The following GPM6A variants were observed in gnomAD, a reference collection of about 807,000 sequenced individuals.
GPM6A encodes glycoprotein M6A.
A neutral mutation model predicts 32.1 loss-of-function variants in GPM6A; 7 were observed. The ratio of observed to expected loss-of-function variants is 0.22; its 90% CI spans 0.12 to 0.41. The LOEUF (loss-of-function observed/expected upper bound fraction) is 0.41. Among genes scored for constraint, GPM6A ranks in the 10% least tolerant of loss-of-function variants. GPM6A has a pLI of 1.00. For missense variants in GPM6A, 235 were observed against 347.2 expected, an observed-to-expected ratio of 0.68 and a Z score of 2.57; for synonymous variants, 130 against 123.4, an observed-to-expected ratio of 1.05 and a Z score of -0.35.
intron 2 of GPM6A, among the ~76,000 whole-genome samples, chr4:175,681,538 A>T (rs780643165): frequency 1.2e-4 from 18 of 152,158 alleles, no homozygotes; most frequent in South Asian, 2.1e-4. Context: ...CCTAAACTTC[A>T]TGTTGATTGT....
chr4:175,947,481 GAAT>G (rs1242010595), intron 1 of GPM6A, among the ~76,000 whole-genome samples: 3 of 151,740 alleles, frequency 2.0e-5, no homozygotes, highest in African/African-American at 7.3e-5. Context: ...ATATTCTTAA[GAAT>G]AATATTTCTT....
intron 1 of GPM6A, among the ~76,000 whole-genome samples, chr4:175,749,010 C>T (rs997076476): frequency 6.6e-6 from 1 of 152,070 alleles, no homozygotes; most frequent in African/African-American, 2.4e-5. Context: ...TCTTTAACTT[C>T]CCCCCACCTC....
chr4:176,000,026 C>T (rs184873041), intron 1 of GPM6A, among the ~76,000 whole-genome samples: 103 of 152,314 alleles, frequency 6.8e-4, no homozygotes, highest in African/African-American at 2.4e-3. Flanking sequence ...CTTATTGGCT[C>T]TTCCTAGTCT....
At chr4:175,713,902 C>T (rs1015920332) in intron 1 of GPM6A, among the ~76,000 whole-genome samples, 17 of 152,210 alleles carry the variant, frequency 1.1e-4, no homozygotes, top group Non-Finnish European at 1.8e-4. Flanking sequence ...CTTATCTTTT[C>T]TCTCCAATTT....
At chr4:175,895,769 A>G (rs948761434) in intron 1 of GPM6A, among the ~76,000 whole-genome samples, 1 of 152,194 alleles carries the variant, frequency 6.6e-6, no homozygotes, top group African/African-American at 2.4e-5. Flanking sequence ...ATTCTGTATT[A>G]AGTATACTGT....
chr4:175,651,157 C>T (rs1041994801), intron 4 of GPM6A, among the ~76,000 whole-genome samples: 1 of 152,108 alleles, frequency 6.6e-6, no homozygotes, highest in African/African-American at 2.4e-5. Context: ...TGAACAACCC[C>T]ACTGTGCCTC....
chr4:175,640,787 G>A lies in GPM6A; in HGVS notation c.584C>T (p.Ser195Phe). 6.2e-7 allele frequency: 1 copy of A among 1,610,658 alleles called. No individual in the cohort carries two copies. Among genetic ancestry groups the A allele is most frequent in the Non-Finnish European group, 8.5e-7 (1 of 1,177,342 alleles). The change falls in exon 5 of 7, where the codon TCT (serine) becomes TTT (phenylalanine). Residue 195 changes from serine (S) to phenylalanine (F), a missense_variant. By Grantham distance (155) the Ser-to-Phe change is radical. Transcript: ENST00000393658. ...TTCGCACATCCTCAAGAAATTCTCA[G>A]AGACAGTACAAATTTTCTTTTCCTC... is the stretch of plus-strand genomic sequence containing the variant. ...IGEEKKICTV[S>F]ENFLRMCEST...
intron 1 of GPM6A, among the ~76,000 whole-genome samples, chr4:175,731,982 T>TTC (rs1731454161): frequency 6.6e-6 from 1 of 151,038 alleles, no homozygotes; most frequent in Non-Finnish European, 1.5e-5. Flanking sequence ...TTTTTTTTTT[T>TTC]TCGTGACAGA....
At chr4:175,949,291 A>G (rs1265439672) in intron 1 of GPM6A, among the ~76,000 whole-genome samples, 1 of 152,002 alleles carries the variant, frequency 6.6e-6, no homozygotes, top group Admixed American at 6.6e-5. Context: ...ACTAAAAGTC[A>G]AGTTTGTTTA....
chr4:175,909,901 A>G (rs1417377092), intron 1 of GPM6A, among the ~76,000 whole-genome samples: 1 of 152,170 alleles, frequency 6.6e-6, no homozygotes, highest in Non-Finnish European at 1.5e-5. Flanking sequence ...GAAACCAAGT[A>G]CTACCCTTGT....
rs944013655 is a variant in GPM6A at position 175,634,674 on chromosome 4, C to CA, written c.*230dup. ...ACTAGTAAATGAGTTTGAGAAATTT[C>CA]AAAAAAAAGGCTGGATAGGAGCTTG... On this transcript the variant is annotated 3_prime_UTR_variant, in exon 7 of 7. Coordinates refer to ENST00000393658, the MANE Select transcript of GPM6A (RefSeq NM_201591.3). 70 of 424,614 alleles carry CA rather than the reference C, an allele frequency of 1.6e-4. No homozygotes were observed. Among genetic ancestry groups the CA allele is most frequent in the Admixed American group, 2.9e-4 (7 of 24,282 alleles). 26.3% of individuals were successfully genotyped at this position (424,614 alleles called of 1,614,324 possible).
At chr4:175,823,797 A>G (rs1210013215) in intron 1 of GPM6A, among the ~76,000 whole-genome samples, 1 of 152,202 alleles carries the variant, frequency 6.6e-6, no homozygotes, top group East Asian at 1.9e-4. Context: ...AGGTAACCTA[A>G]AAATTCTTAT....
chr4:175,918,729 T>C (rs765730003), intron 1 of GPM6A, among the ~76,000 whole-genome samples: 2 of 152,146 alleles, frequency 1.3e-5, no homozygotes, highest in African/African-American at 2.4e-5. Flanking sequence ...AAAACATGTG[T>C]TTCCAGTAGG....
At chr4:175,866,399 C>T (rs1424766636) in intron 1 of GPM6A, among the ~76,000 whole-genome samples, 1 of 152,150 alleles carries the variant, frequency 6.6e-6, no homozygotes, top group Non-Finnish European at 1.5e-5. Flanking sequence ...AGAGCATTTT[C>T]ACTGCCTCGA....
intron 1 of GPM6A, chr4:175,807,437 T>C (rs1734738716): frequency 6.6e-6 from 1 of 152,204 alleles, no homozygotes; most frequent in Non-Finnish European, 1.5e-5. Flanking sequence ...CTTAGAGGTC[T>C]TTCGATTGCA....
At chr4:175,868,288 G>A (rs968603654) in intron 1 of GPM6A, among the ~76,000 whole-genome samples, 1 of 152,068 alleles carries the variant, frequency 6.6e-6, no homozygotes. Context: ...AGGAAGTAAT[G>A]GTGATTTCCA....
chr4:175,813,325 AG>A (rs1399197373), upstream of GPM6A, among the ~76,000 whole-genome samples: 3 of 152,234 alleles, frequency 2.0e-5, no homozygotes, highest in Non-Finnish European at 2.9e-5. Flanking sequence ...ACAATGCTGC[AG>A]TCTGGCGATA....
intron 1 of GPM6A, among the ~76,000 whole-genome samples, chr4:175,902,077 T>C (rs941621809): frequency 6.6e-6 from 1 of 152,134 alleles, no homozygotes; most frequent in Non-Finnish European, 1.5e-5. Flanking sequence ...TGTAGTAGTC[T>C]AAAACTAGAA....
At chr4:175,901,640 T>TC (rs1560986248) in intron 1 of GPM6A, among the ~76,000 whole-genome samples, 2 of 139,066 alleles carry the variant, frequency 1.4e-5, no homozygotes, top group Admixed American at 7.2e-5. Context: ...TTTTTTTTTT[T>TC]CCTTTTTTTT....
Sources: allele counts gnomAD v4.1 joint callset (sites outside exome capture counted in the v4.1 genomes callset), GRCh38; gene constraint gnomAD v4.1.1; transcripts MANE v1.5; gene names NCBI Gene and HGNC (gene_info 2026-07-23, HGNC 2026-07-21).